The following TIAM2 variants were observed in gnomAD, a reference collection of about 807,000 sequenced individuals.
TIAM2 encodes the protein TIAM Rac1 associated GEF 2.
In TIAM2, 80 loss-of-function variants were observed where a neutral mutation model predicts 152.9. The ratio of observed to expected loss-of-function variants is 0.52; its 90% CI spans 0.44 to 0.63. The LOEUF (loss-of-function observed/expected upper bound fraction) is 0.63, where lower values mean the gene tolerates loss of function less well. TIAM2 is among the 30% of genes least tolerant of loss of function. TIAM2 has a pLI of 0.00. For synonymous variants in TIAM2, 804 were observed against 838.0 expected, an observed-to-expected ratio of 0.96 and a Z score of 0.70; for missense variants, 1,965 against 2,120.1, an observed-to-expected ratio of 0.93 and a Z score of 1.44.
intron 9 of TIAM2, among the ~76,000 whole-genome samples, chr6:155,172,573 T>C (rs1419233396): frequency 6.8e-6 from 1 of 146,714 alleles, no homozygotes; most frequent in African/African-American, 2.5e-5. Flanking sequence ...ATTGCCTTGC[T>C]ATTATTGTAT....
At chr6:155,142,204 C>G (rs890846078) in intron 5 of TIAM2, among the ~76,000 whole-genome samples, 1 of 151,554 alleles carries the variant, frequency 6.6e-6, no homozygotes, top group African/African-American at 2.4e-5. Flanking sequence ...TGCAGAGTCC[C>G]GTGAAGTTGA....
intron 1 of TIAM2, among the ~76,000 whole-genome samples, chr6:154,999,931 C>T (rs949001421): frequency 6.6e-6 from 1 of 151,264 alleles, no homozygotes; most frequent in Non-Finnish European, 1.5e-5. Flanking sequence ...CCCGCCTCGG[C>T]CTCCCAAAGT....
At chr6:155,007,161 A>G (rs1778416012) in intron 1 of TIAM2, among the ~76,000 whole-genome samples, 1 of 152,064 alleles carries the variant, frequency 6.6e-6, no homozygotes, top group Non-Finnish European at 1.5e-5. Context: ...CAGTGTGTGG[A>G]GGGTGTGGGG....
intron 1 of TIAM2, among the ~76,000 whole-genome samples, chr6:155,027,981 C>T (rs1343956305): frequency 2.5e-5 from 3 of 122,190 alleles, no homozygotes; most frequent in African/African-American, 1.0e-4. Context: ...AATATATGTA[C>T]TGTGTTACAT....
intron 15 of TIAM2, among the ~76,000 whole-genome samples, chr6:155,234,957 C>T (rs547377594): frequency 2.6e-5 from 4 of 151,764 alleles, no homozygotes; most frequent in South Asian, 2.1e-4. Context: ...AGGGGCTGTG[C>T]GGACAGCTAG....
chr6:155,029,593 A>ATATATAC (rs1312940204), intron 1 of TIAM2, among the ~76,000 whole-genome samples: 23 of 72,646 alleles, frequency 3.2e-4, no homozygotes, highest in African/African-American at 1.3e-3. Flanking sequence ...ACTATATAGT[A>ATATATAC]TATATAGTTA....
chr6:155,069,295 T>C (rs1777780632), intron 1 of TIAM2, among the ~76,000 whole-genome samples: 1 of 152,112 alleles, frequency 6.6e-6, no homozygotes, highest in East Asian at 1.9e-4. Flanking sequence ...GGTTTTGCCA[T>C]GTTTCCCAGG....
At chr6:155,089,777 A>G (rs1778258282) in intron 1 of TIAM2, among the ~76,000 whole-genome samples, 1 of 152,066 alleles carries the variant, frequency 6.6e-6, no homozygotes, top group Non-Finnish European at 1.5e-5. Context: ...ACTCTAGGAT[A>G]TTTTTGTTAT....
At chr6:155,140,556 A>ATG (rs201167708) in intron 5 of TIAM2, among the ~76,000 whole-genome samples, 5,966 of 119,646 alleles carry the variant, frequency 0.05, 279 homozygotes, top group Non-Finnish European at 0.068. Flanking sequence ...CTGTGTGTGT[A>ATG]TGTGTGTGTG....
chr6:155,101,558 G>C (rs1423727128), intron 2 of TIAM2, among the ~76,000 whole-genome samples: 3 of 152,154 alleles, frequency 2.0e-5, no homozygotes, highest in Non-Finnish European at 4.4e-5. Flanking sequence ...CTATAGCTAA[G>C]CAGTAAGGAG....
chr6:155,182,647 T>TAG (rs1430178848), intron 13 of TIAM2, among the ~76,000 whole-genome samples: 2 of 151,850 alleles, frequency 1.3e-5, no homozygotes, highest in Non-Finnish European at 2.9e-5. Flanking sequence ...TGCCTATATA[T>TAG]AGAGAGAGCA....
intron 24 of TIAM2, 157 bp downstream of exon 24, chr6:155,253,210 C>T (rs781039898): frequency 1.8e-5 from 11 of 615,490 alleles, no homozygotes; most frequent in Non-Finnish European, 3.1e-5. Context: ...TGTTCCTTAG[C>T]AGACTTCTGG....
chr6:155,210,721 T>C (rs1319133868), intron 14 of TIAM2, among the ~76,000 whole-genome samples: 3 of 152,232 alleles, frequency 2.0e-5, no homozygotes, highest in Non-Finnish European at 2.9e-5. Flanking sequence ...GAAATTGTGG[T>C]TGATGCCAGC....
chr6:155,174,943 T>TG lies in TIAM2; in HGVS notation c.2362-1869dup, dbSNP rs1780725711. Among the ~76,000 whole-genome samples the TG allele has an allele frequency of 6.6e-6, 1 of 152,128 alleles. No homozygotes were observed. The highest frequency in any genetic ancestry group is 1.5e-5 in the Non-Finnish European group (1 of 68,020). On this transcript the variant is annotated intron_variant, in intron 9 of 26. Coordinates refer to ENST00000682666, the MANE Select transcript of TIAM2 (RefSeq NM_012454.4). This position sits in a 1 kb window ranked among gnomAD's most constrained non-coding sequence, Gnocchi z 4.2. ...TTCTCAACAAGCCTGGTTTCAGAGGTGGGGCCTGCACCTTTAAGGCAGCAT... is the reference window on the plus strand; with the variant it reads ...TTCTCAACAAGCCTGGTTTCAGAGGTGGGGGCCTGCACCTTTAAGGCAGCAT...
intron 7 of TIAM2, among the ~76,000 whole-genome samples, chr6:155,161,318 A>T (rs1780262937): frequency 6.6e-6 from 1 of 152,068 alleles, no homozygotes. Context: ...TCTCAAGACC[A>T]CAAGTGCATG....
intron 1 of TIAM2, among the ~76,000 whole-genome samples, chr6:154,996,791 G>T (rs1368638564): frequency 6.6e-6 from 1 of 152,120 alleles, no homozygotes; most frequent in Non-Finnish European, 1.5e-5. Context: ...TATCATGATT[G>T]GTGCAGTTTT....
intron 15 of TIAM2, among the ~76,000 whole-genome samples, chr6:155,222,974 C>G (rs992022823): frequency 1.3e-5 from 2 of 152,114 alleles, no homozygotes; most frequent in East Asian, 3.9e-4. Context: ...TAATGGTATG[C>G]GAAGGTCAGG....
At chr6:155,222,627 A>C (rs1271263834) in intron 15 of TIAM2, among the ~76,000 whole-genome samples, 4 of 84,464 alleles carry the variant, frequency 4.7e-5, no homozygotes, top group Non-Finnish European at 7.9e-5. Context: ...CAAAAAAAAA[A>C]AACACAAAAA....
intron 7 of TIAM2, among the ~76,000 whole-genome samples, chr6:155,157,876 C>T (rs573415062): frequency 2.6e-5 from 4 of 152,068 alleles, no homozygotes; most frequent in Admixed American, 1.3e-4. Flanking sequence ...TTTTTCAGGT[C>T]GATTTGATGG....
Sources: gnomAD v4.1 joint callset for allele counts (sites outside exome capture counted in the v4.1 genomes callset) on GRCh38, gnomAD v4.1.1 for gene constraint, Gnocchi (gnomAD v3.1) non-coding constraint, MANE v1.5 for transcripts, NCBI Gene and HGNC (gene_info 2026-07-23, HGNC 2026-07-21) for gene names.